Variants in SYNE3 observed in about 807,000 individuals in gnomAD.
SYNE3 encodes spectrin repeat containing nuclear envelope family member 3.
In SYNE3, 100 loss-of-function variants were observed where a neutral mutation model predicts 111.2. The ratio of observed to expected loss-of-function variants is 0.90; its 90% confidence interval spans 0.77 to 1.06. The LOEUF (loss-of-function observed/expected upper bound fraction) is 1.06. Ranked by LOEUF, SYNE3 falls within the 50% of genes least tolerant of loss-of-function variation. SYNE3 has a pLI of 0.00. For missense variants in SYNE3, 1,160 were observed against 1,240.3 expected (o/e 0.94, Z 0.97); for synonymous variants, 547 against 533.9 (o/e 1.02, Z -0.34).
intron 11 of SYNE3, 39 bp from the exon 12 acceptor site, chr14:95,440,114 C>T: frequency 6.4e-7 from 1 of 1,553,538 alleles, no homozygotes. Flanking sequence ...ATCCTGAGTG[C>T]TGGCCGAGGG....
chr14:95,433,316 G>T lies in SYNE3; in HGVS notation c.2632C>A (p.Leu878Met). The T allele has an allele frequency of 6.2e-7, 1 of 1,614,188 alleles. No homozygotes were observed. The highest frequency in any genetic ancestry group is 8.5e-7 in the Non-Finnish European group (1 of 1,180,030). Residue 878 changes from leucine to methionine, a missense_variant, in exon 16 of 18, where the codon CTG becomes ATG. Transcript: ENST00000682763. ...TTGTACAGCATCCACTGGTAGCGCA[G>T]ATCTTCCAGCTCATCCGAGGTCCCC... ...ARGTSDELED[L>M]RYQWMLYKSK...
At chr14:95,445,757 G>T in intron 9 of SYNE3, 152 bp downstream of exon 9, 1 of 787,448 alleles carries the variant, frequency 1.3e-6, no homozygotes, top group Non-Finnish European at 2.0e-6. Flanking sequence ...ACATGAGGAG[G>T]CTGAGATGGT....
chr14:95,467,932 C>A lies in SYNE3; in HGVS notation c.180G>T (p.Arg60Ser). ...CAGCCATCCGTAGCACGAGGTCCACCCTCACACGCCCCTCGGGCTCCAGCT... is the reference window on the plus strand; with the variant it reads ...CAGCCATCCGTAGCACGAGGTCCACACTCACACGCCCCTCGGGCTCCAGCT... ...ICQLEPEGRV[R>S]VDLVLRMAEA... Residue 60 changes from arginine to serine, a missense_variant, in exon 3 of 18, where the codon AGG becomes AGT. Transcript: ENST00000682763. 6.2e-7 allele frequency: 1 copy of A among 1,613,604 alleles called. No homozygotes were observed. Among genetic ancestry groups the A allele is most frequent in the South Asian group, 1.1e-5 (1 of 91,074 alleles).
At chr14:95,494,045 G>A in intron 1 of SYNE3, among the ~76,000 whole-genome samples, 1 of 152,006 alleles carries the variant, frequency 6.6e-6, no homozygotes, top group Admixed American at 6.5e-5. Flanking sequence ...AGCCAGGTGT[G>A]GTGGTGCCTG....
rs117097246 is a variant in SYNE3, at chr14:95,412,562, C to T, written c.*5264G>A. 0.02 allele frequency: 3,037 copies of T among 152,366 alleles called. 52 individuals are homozygous for T. Among genetic ancestry groups the T allele is most frequent in the Non-Finnish European group, 0.029 (1,940 of 68,058 alleles). 9.4% of individuals were successfully genotyped at this position (152,366 alleles called of 1,614,324 possible). A position where few individuals can be genotyped will look rare whatever the true frequency, so the allele number is the denominator to read the frequency against. On this transcript the variant is annotated 3_prime_UTR_variant, in exon 18 of 18. Transcript: ENST00000682763. The stretch of plus-strand genomic sequence containing the variant: ...AAAGCCGCAGACCCCGGACAGCATC[C>T]GAATGGCCAGTGGGAAGGCAGGGCC...
At chr14:95,439,268 C>A in intron 13 of SYNE3, 106 bp from the exon 14 acceptor site, 1 of 1,512,076 alleles carries the variant, frequency 6.6e-7, no homozygotes, top group South Asian at 1.2e-5. Flanking sequence ...AGTCAGTGCC[C>A]CCCACTGAAG....
At chr14:95,509,905 G>T (rs915754589) in intron 1 of SYNE3, among the ~76,000 whole-genome samples, 15 of 152,200 alleles carry the variant, frequency 9.9e-5, no homozygotes, top group African/African-American at 3.1e-4. Context: ...GTGGTTGTAA[G>T]GTAAGAGCAC....
Position 95,471,709 on chromosome 14 carries a change from C to T in SYNE3, c.145-3742G>A, listed in dbSNP as rs191343392. On this transcript the variant is annotated intron_variant, in intron 2 of 17. Transcript: ENST00000682763. ...GGTGTGAGATTCTTTTATAGCCCATCACCAGCAAGGACACAGTCCAGGAGT... is the reference window on the plus strand; with the variant it reads ...GGTGTGAGATTCTTTTATAGCCCATTACCAGCAAGGACACAGTCCAGGAGT... Among the ~76,000 whole-genome samples, 23 of 152,350 alleles carry T rather than the reference C, an allele frequency of 1.5e-4. No homozygotes were observed. The East Asian group carries it at 4.4e-3, about 29-fold the overall frequency.
chr14:95,477,599 A>C (rs1416574422), intron 1 of SYNE3, among the ~76,000 whole-genome samples: 5 of 152,182 alleles, frequency 3.3e-5, no homozygotes, highest in Non-Finnish European at 7.3e-5. Flanking sequence ...CACAAGAGAG[A>C]AGGAGAAAAT....
chr14:95,440,527 T>C (rs1886358256), intron 11 of SYNE3, among the ~76,000 whole-genome samples: 1 of 152,214 alleles, frequency 6.6e-6, no homozygotes. Flanking sequence ...ACTATCCAAG[T>C]GCCCATCAAG....
At chr14:95,433,727 T>G (rs1365308704) in intron 15 of SYNE3, among the ~76,000 whole-genome samples, 2 of 152,244 alleles carry the variant, frequency 1.3e-5, no homozygotes, top group African/African-American at 2.4e-5. Flanking sequence ...CTAAAAGCTG[T>G]CATTGTGAAC....
chr14:95,438,923 A>G, intron 14 of SYNE3, 110 bp downstream of exon 14: 2 of 1,475,274 alleles, frequency 1.4e-6, no homozygotes, highest in Non-Finnish European at 1.9e-6. Context: ...CCAAGTCCTC[A>G]GAGCAGAGCA....
intron 1 of SYNE3, among the ~76,000 whole-genome samples, chr14:95,492,687 T>C (rs1889904506): frequency 6.6e-6 from 1 of 152,144 alleles, no homozygotes; most frequent in African/African-American, 2.4e-5. Context: ...CTAAAAATGA[T>C]TGTGGTGACG....
rs753066371 is a variant in SYNE3, at chr14:95,466,005, C to T, written c.553G>A (p.Gly185Arg). ...GCATCTTCGTCCACGCTGGGGTCCC[C>T]GATCCTGTTGAACAGGGAGGCTGCC... Reference protein sequence around the residue: ...EEAASLFNRIGDPSVDEDAQK... With the variant: ...EEAASLFNRIRDPSVDEDAQK... Residue 185 changes from glycine to arginine, a missense_variant, in exon 4 of 18, where the codon GGG becomes AGG. Coordinates refer to ENST00000682763, the MANE Select transcript of SYNE3 (RefSeq NM_152592.6). 9.3e-6 allele frequency: 15 copies of T among 1,610,736 alleles called. No individual in the cohort carries two copies. The highest frequency in any genetic ancestry group is 1.6e-4 in the Middle Eastern group (1 of 6,068).
In SYNE3 at chr14:95,466,204, G is replaced by T; in HGVS notation, c.354C>A (p.Tyr118Ter). ...IEWVWLHWSE[Y>*]LLARDEFYRW... ...GGTAGAACTCATCTCGGGCCAGCAG[G>T]TACTCGCTCCAGTGCAGCCACACCC... The change falls in exon 4 of 18, where the codon TAC becomes TAA. Residue 118 changes from tyrosine (Y) to a stop codon, truncating the protein, a stop_gained. Transcript: ENST00000682763. LOFTEE classifies it high-confidence loss of function. The T allele has an allele frequency of 1.3e-6, 2 of 1,589,148 alleles. No homozygotes were observed. Among genetic ancestry groups the T allele is most frequent in the Non-Finnish European group, 1.7e-6 (2 of 1,160,280 alleles).
Position 95,467,887 on chromosome 14 carries a change from G to T in SYNE3, c.225C>A (p.Cys75Ter), listed in dbSNP as rs760450784. Reference protein sequence around the residue: ...LRMAEALLACCPGDQKPGILA... With the variant: ...LRMAEALLAC ...GGATCCCGGGCTTCTGGTCCCCAGGGCAGCATGCCAAGAGGGCTTCAGCCA... is the reference window on the plus strand; with the variant it reads ...GGATCCCGGGCTTCTGGTCCCCAGGTCAGCATGCCAAGAGGGCTTCAGCCA... The change falls in exon 3 of 18, where the codon TGC (cysteine) becomes TGA (stop). Residue 75 changes from cysteine (C) to a stop codon, truncating the protein, a stop_gained. Transcript: ENST00000682763. LOFTEE classifies it high-confidence loss of function. 1 of 1,614,222 alleles carries T rather than the reference G, an allele frequency of 6.2e-7. No individual in the cohort carries two copies. The highest frequency in any genetic ancestry group is 8.5e-7 in the Non-Finnish European group (1 of 1,180,046).
rs926744249 is a variant in SYNE3 at position 95,415,282 on chromosome 14, C to CG, written c.*2543_*2544insC. The CG allele has an allele frequency of 7.4e-6, 1 of 136,048 alleles. No individual in the cohort carries two copies. Among genetic ancestry groups the CG allele is most frequent in the African/African-American group, 2.6e-5 (1 of 37,996 alleles). 8.4% of individuals were successfully genotyped at this position (136,048 alleles called of 1,614,324 possible). A position where few individuals can be genotyped will look rare whatever the true frequency, so the allele number is the denominator to read the frequency against. On this transcript the variant is annotated 3_prime_UTR_variant, in exon 18 of 18. Transcript: ENST00000682763. ...AAAGTGGACACCTGGCAAGGCCCCC[C>CG]CACCCACCCACCCTGCCACTGCTCT...
intron 1 of SYNE3, among the ~76,000 whole-genome samples, chr14:95,489,576 C>A (rs1214109315): frequency 6.6e-6 from 1 of 151,076 alleles, no homozygotes; most frequent in Admixed American, 6.6e-5. Flanking sequence ...AACTACAATA[C>A]CTACCTCGGT....
At chr14:95,462,522 T>C (rs941888501) in intron 4 of SYNE3, among the ~76,000 whole-genome samples, 5 of 151,404 alleles carry the variant, frequency 3.3e-5, no homozygotes, top group African/African-American at 4.9e-5. Flanking sequence ...ATGGAGGGAG[T>C]CTCCCCCTCA....
Sources: allele counts gnomAD v4.1 joint callset (sites outside exome capture counted in the v4.1 genomes callset), GRCh38; gene constraint gnomAD v4.1.1; transcripts MANE v1.5; gene names NCBI Gene and HGNC (gene_info 2026-07-23, HGNC 2026-07-21).